Variants in MYLK4 observed in about 807,000 individuals in gnomAD.
MYLK4 encodes the protein myosin light chain kinase family member 4.
Under a neutral mutation model 48.1 loss-of-function variants are expected in MYLK4, and 46 were observed. That is an observed-to-expected ratio of 0.96 (90% confidence interval 0.75 to 1.22). MYLK4 has a LOEUF of 1.22. Ranked by LOEUF, MYLK4 falls within the 50% of genes most tolerant of loss-of-function variation. The pLI, the probability that MYLK4 is intolerant of heterozygous loss-of-function variation, is 0.00. For missense variants in MYLK4, 451 were observed against 486.1 expected (o/e 0.93, Z 0.68); for synonymous variants, 170 against 180.8 (o/e 0.94, Z 0.48).
intron 2 of MYLK4, among the ~76,000 whole-genome samples, chr6:2,696,135 A>G (rs1762051108): frequency 6.6e-6 from 1 of 152,246 alleles, no homozygotes; most frequent in South Asian, 2.1e-4. Context: ...AGAATGACAC[A>G]GGGAAGAAAG....
intron 9 of MYLK4, 55 bp from the exon 10 acceptor site, chr6:2,678,427 C>T: frequency 6.4e-7 from 1 of 1,569,532 alleles, no homozygotes; most frequent in Non-Finnish European, 8.7e-7. Flanking sequence ...AACCCCTTTC[C>T]ATACAGATTG....
chr6:2,769,995 G>A, the MYLK4 span: 2 of 1,362,636 alleles, frequency 1.5e-6, no homozygotes, highest in Admixed American at 2.0e-5. Context: ...ATATAAGGCT[G>A]CTGCTATTCC....
chr6:2,746,203 G>GT (rs1285272345), intron 2 of MYLK4, among the ~76,000 whole-genome samples: 1 of 151,886 alleles, frequency 6.6e-6, no homozygotes, highest in Non-Finnish European at 1.5e-5. Context: ...GGAGACGGAG[G>GT]TTGCAGTGAG....
chr6:2,768,352 A>G, the MYLK4 span, among the ~76,000 whole-genome samples: 9 of 152,214 alleles, frequency 5.9e-5, no homozygotes, highest in African/African-American at 2.2e-4. Flanking sequence ...GTGAGAGGTC[A>G]CAGCTGTCAC....
chr6:2,766,396 C>G, the MYLK4 span: 1,975 of 1,606,456 alleles, frequency 1.2e-3, 3 homozygotes, highest in Non-Finnish European at 1.5e-3. Flanking sequence ...TCCTGGAGAC[C>G]AACGAAATCC....
chr6:2,750,081 T>C (rs920685196), intron 1 of MYLK4, among the ~76,000 whole-genome samples: 5 of 152,132 alleles, frequency 3.3e-5, no homozygotes, highest in Admixed American at 1.3e-4. Context: ...TATACGCATG[T>C]CTATATGTAC....
intron 6 of MYLK4, among the ~76,000 whole-genome samples, chr6:2,684,412 C>T (rs115523974): frequency 0.033 from 5,015 of 152,216 alleles, 125 homozygotes; most frequent in Middle Eastern, 0.11. Context: ...TAACTGAGAC[C>T]ATGGAAAGTG....
In MYLK4 at chr6:2,675,039, G is replaced by T. The variant is rs370842525; in HGVS notation, c.1119+8C>A. 148 of 1,609,612 alleles carry T rather than the reference G, an allele frequency of 9.2e-5. No homozygotes were observed. Among genetic ancestry groups the T allele is most frequent in the South Asian group, 7.0e-4 (64 of 90,930 alleles). On this transcript the variant is annotated splice_region_variant and intron_variant, in intron 11 of 12. Coordinates refer to ENST00000274643, the MANE Select transcript of MYLK4 (RefSeq NM_001012418.5). ...AGAAAAAGAGGAAGAGCAAGAAGCC[G>T]TGGTCACCTGGGCATTGAGTCTGGA...
At chr6:2,713,113 A>G (rs1004056162) in intron 2 of MYLK4, among the ~76,000 whole-genome samples, 1 of 152,164 alleles carries the variant, frequency 6.6e-6, no homozygotes, top group African/African-American at 2.4e-5. Flanking sequence ...GCTCATGCCT[A>G]CAATCCCAGA....
chr6:2,667,630 T>A lies in MYLK4; in HGVS notation c.*295A>T, dbSNP rs1760708736. On this transcript the variant is annotated 3_prime_UTR_variant, in exon 13 of 13. Transcript: ENST00000274643. ...TGCCCCAGTGACTAAGATCAAAAAA[T>A]TTTTTTAAAAAAGTAAAAAATCTCA... The A allele has an allele frequency of 6.6e-6, 1 of 152,624 alleles. No homozygotes were observed. Among genetic ancestry groups the A allele is most frequent in the Admixed American group, 6.5e-5 (1 of 15,280 alleles). 9.5% of individuals were successfully genotyped at this position (152,624 alleles called of 1,614,324 possible). A position where few individuals can be genotyped will look rare whatever the true frequency, so the allele number is the denominator to read the frequency against.
At chr6:2,710,294 G>A (rs1233032503) in intron 2 of MYLK4, among the ~76,000 whole-genome samples, 2 of 152,024 alleles carry the variant, frequency 1.3e-5, no homozygotes, top group Admixed American at 6.6e-5. Flanking sequence ...GATTGAAATA[G>A]GCCCAGTTGT....
Position 2,672,082 on chromosome 6 carries a change from T to G in MYLK4, c.1120-734A>C, listed in dbSNP as rs1760919361. Among the ~76,000 whole-genome samples, 1 of 152,154 alleles carries G rather than the reference T, an allele frequency of 6.6e-6. No homozygotes were observed. The highest frequency in any genetic ancestry group is 2.4e-5 in the African/African-American group (1 of 41,442). Reference sequence around the variant, plus strand: ...TAGAGGTTGGATATCAGCTCATGGGTTGTTTTATTAGTTCACTGAGAGGGC... The same window carrying G: ...TAGAGGTTGGATATCAGCTCATGGGGTGTTTTATTAGTTCACTGAGAGGGC... On this transcript the variant is annotated intron_variant, in intron 11 of 12. Transcript: ENST00000274643. This position sits in a 1 kb window ranked among gnomAD's most constrained non-coding sequence, Gnocchi z 4.3.
intron 2 of MYLK4, among the ~76,000 whole-genome samples, chr6:2,723,197 G>T (rs979505998): frequency 6.6e-6 from 1 of 152,202 alleles, no homozygotes; most frequent in African/African-American, 2.4e-5. Context: ...GGAGGCTGAG[G>T]TGCAGTGATC....
At chr6:2,737,962 G>C (rs1172770831) in intron 2 of MYLK4, among the ~76,000 whole-genome samples, 1 of 126,566 alleles carries the variant, frequency 7.9e-6, no homozygotes, top group Non-Finnish European at 1.7e-5. Context: ...TCTGCTGGGG[G>C]TGGGGTGCCG....
At chr6:2,692,934 G>C (rs1761869334) in intron 2 of MYLK4, 75 bp from the exon 3 acceptor site, 1 of 1,326,324 alleles carries the variant, frequency 7.5e-7, no homozygotes, top group Non-Finnish European at 1.1e-6. Flanking sequence ...CCTGACACTT[G>C]CGCTGGATGA....
intron 2 of MYLK4, among the ~76,000 whole-genome samples, chr6:2,707,088 A>G (rs1027377266): frequency 6.6e-6 from 1 of 152,234 alleles, no homozygotes; most frequent in East Asian, 1.9e-4. Flanking sequence ...TGCACAAAGC[A>G]ACACGGGACA....
chr6:2,756,998 A>G, the MYLK4 span, among the ~76,000 whole-genome samples: 1 of 152,242 alleles, frequency 6.6e-6, no homozygotes, highest in Non-Finnish European at 1.5e-5. Flanking sequence ...GCAAAGTCCA[A>G]GTCATGCTCT....
chr6:2,690,806 C>T (rs1582050318), intron 3 of MYLK4, among the ~76,000 whole-genome samples: 2 of 145,896 alleles, frequency 1.4e-5, no homozygotes, highest in Admixed American at 1.4e-4. Flanking sequence ...ATAAAAGAAG[C>T]AATAATCTCT....
At chr6:2,765,167 C>T in the MYLK4 span, among the ~76,000 whole-genome samples, 1 of 150,010 alleles carries the variant, frequency 6.7e-6, no homozygotes, top group Non-Finnish European at 1.5e-5. Context: ...GCACGCGCAC[C>T]ACGCTCGCCT....
Sources: allele counts gnomAD v4.1 joint callset (sites outside exome capture counted in the v4.1 genomes callset), GRCh38; gene constraint gnomAD v4.1.1; non-coding constraint Gnocchi (gnomAD v3.1); transcripts MANE v1.5; gene names NCBI Gene and HGNC (gene_info 2026-07-23, HGNC 2026-07-21).